SSBP3: variants seen among roughly 807,000 people sequenced by gnomAD.
SSBP3 encodes the protein single stranded DNA binding protein 3, also known as single-stranded DNA-binding protein 3.
In SSBP3, 5 loss-of-function variants were observed where a neutral mutation model predicts 69.6. That is an observed-to-expected ratio of 0.07 (90% CI 0.04 to 0.15). The LOEUF is 0.15. SSBP3 is among the 10% of genes least tolerant of loss of function. The pLI, the probability that SSBP3 is intolerant of heterozygous loss-of-function variation, is 1.00. For missense variants in SSBP3, 312 were observed against 534.0 expected (o/e 0.58, Z 4.10); for synonymous variants, 196 against 193.4 (o/e 1.01, Z -0.11).
chr1:54,358,112 T>C (rs1444001945), intron 4 of SSBP3, among the ~76,000 whole-genome samples: 2 of 152,204 alleles, frequency 1.3e-5, no homozygotes, highest in East Asian at 3.8e-4. Context: ...GAAGGAGCTT[T>C]TTCCATTTTA....
At chr1:54,301,774 A>G (rs1164232277) in intron 4 of SSBP3, among the ~76,000 whole-genome samples, 1 of 152,096 alleles carries the variant, frequency 6.6e-6, no homozygotes, top group Non-Finnish European at 1.5e-5. Context: ...CCACCACCCT[A>G]GGTTCCGGGG....
exon 18 of SSBP3, chr1:54,225,585 C>A: frequency 4.1e-6 from 2 of 482,516 alleles, no homozygotes; most frequent in Non-Finnish European, 6.5e-6. Context: ...TCCCAATAAT[C>A]CGCACAAAGT....
intron 3 of SSBP3, among the ~76,000 whole-genome samples, chr1:54,403,984 G>C (rs1379855980): frequency 7.2e-6 from 1 of 139,260 alleles, no homozygotes; most frequent in Non-Finnish European, 1.6e-5. Flanking sequence ...ACCAGTTAAG[G>C]TTCTGCGTAA....
At chr1:54,240,093 CGCGCGCGT>C (rs1302408262) in intron 13 of SSBP3, among the ~76,000 whole-genome samples, 1,464 of 21,236 alleles carry the variant, frequency 0.069, 39 homozygotes, top group South Asian at 0.14. Context: ...TGTGTGCGCG[CGCGCGCGT>C]GTGCGTGCGC....
intron 7 of SSBP3, among the ~76,000 whole-genome samples, chr1:54,253,767 A>AG (rs1644872126): frequency 6.6e-6 from 1 of 152,176 alleles, no homozygotes; most frequent in Non-Finnish European, 1.5e-5. Context: ...GGGGACCTTC[A>AG]GGGTCATGAG....
chr1:54,303,861 G>T (rs532957584), intron 4 of SSBP3, among the ~76,000 whole-genome samples: 104 of 152,312 alleles, frequency 6.8e-4, no homozygotes, highest in African/African-American at 2.5e-3. Context: ...CATAATTAAA[G>T]TATATTACTG....
At chr1:54,304,439 G>A (rs575864984) in intron 4 of SSBP3, among the ~76,000 whole-genome samples, 4 of 152,186 alleles carry the variant, frequency 2.6e-5, no homozygotes, top group African/African-American at 7.2e-5. Context: ...GGACCAGGGC[G>A]TCTTCTGGGC....
intron 14 of SSBP3, among the ~76,000 whole-genome samples, chr1:54,232,821 G>A (rs560174497): frequency 6.6e-6 from 1 of 152,232 alleles, no homozygotes. Context: ...AACCGCGAGT[G>A]ATCCGCCAGC....
Position 54,372,112 on chromosome 1 carries a change from A to T in SSBP3, c.276+29749T>A, listed in dbSNP as rs190708374. Among the ~76,000 whole-genome samples, 62 of 152,286 alleles carry T rather than the reference A, an allele frequency of 4.1e-4. 1 individual carries two copies. In the East Asian group the frequency reaches 0.012, roughly 29 times the overall value. ...GGCTAGGCATGTGCCTGGTCTCCCG[A>T]GCCTGACTCTAAAGGTTTCCAGACT... On this transcript the variant is annotated intron_variant, in intron 4 of 17. Coordinates refer to ENST00000610401, the Ensembl canonical transcript of SSBP3.
intron 4 of SSBP3, among the ~76,000 whole-genome samples, chr1:54,307,788 T>C (rs561039627): frequency 6.6e-6 from 1 of 151,918 alleles, no homozygotes; most frequent in Admixed American, 6.6e-5. Flanking sequence ...AGTTTACAAA[T>C]GCAATGGCAA....
At chr1:54,354,046 G>C (rs1303829762) in intron 4 of SSBP3, among the ~76,000 whole-genome samples, 1 of 152,146 alleles carries the variant, frequency 6.6e-6, no homozygotes, top group Non-Finnish European at 1.5e-5. Context: ...GGCTCAGCAA[G>C]AGCACTCCTA....
At chr1:54,247,817 T>C (rs562162695) in intron 9 of SSBP3, among the ~76,000 whole-genome samples, 6 of 152,210 alleles carry the variant, frequency 3.9e-5, no homozygotes, top group Non-Finnish European at 8.8e-5. Flanking sequence ...AGCTTCGTCC[T>C]ATTAGAATTC....
chr1:54,289,020 C>CAAAAAAAAAAAAAACAAAAAAAA (rs1645546816), intron 4 of SSBP3, among the ~76,000 whole-genome samples: 1 of 43,920 alleles, frequency 2.3e-5, no homozygotes, highest in African/African-American at 6.6e-5. Flanking sequence ...ACTCTGTCTC[C>CAAAAAAAAAAAAAACAAAAAAAA]AAAAAAAAAA....
intron 14 of SSBP3, chr1:54,237,142 A>T (rs1188505464): frequency 1.3e-5 from 2 of 152,244 alleles, no homozygotes; most frequent in African/African-American, 4.8e-5. Context: ...GAGCTAGCGG[A>T]AACCTGTAGC....
At chr1:54,378,435 A>T (rs1647356164) in intron 4 of SSBP3, among the ~76,000 whole-genome samples, 1 of 152,210 alleles carries the variant, frequency 6.6e-6, no homozygotes, top group Admixed American at 6.5e-5. Context: ...AGCAGGACAA[A>T]GAGGGGCTGT....
chr1:54,302,139 C>T (rs1645813654), intron 4 of SSBP3, among the ~76,000 whole-genome samples: 1 of 152,192 alleles, frequency 6.6e-6, no homozygotes, highest in African/African-American at 2.4e-5. Flanking sequence ...CACCTTCATT[C>T]TGTGTCTGTT....
intron 10 of SSBP3, among the ~76,000 whole-genome samples, chr1:54,242,538 G>C (rs1644658023): frequency 6.6e-6 from 1 of 152,214 alleles, no homozygotes; most frequent in African/African-American, 2.4e-5. Flanking sequence ...CTAGAGAACA[G>C]TGGCTACACT....
chr1:54,347,999 C>T (rs996764770), intron 4 of SSBP3, among the ~76,000 whole-genome samples: 2 of 152,148 alleles, frequency 1.3e-5, no homozygotes, highest in African/African-American at 4.8e-5. Flanking sequence ...TCTCAGCCAC[C>T]CAATCACCCA....
chr1:54,406,368 C>T (rs1242572893), exon 1 of SSBP3: 1 of 154,310 alleles, frequency 6.5e-6, no homozygotes, highest in Non-Finnish European at 1.4e-5. Flanking sequence ...CCGCTGCCGC[C>T]GCCGCCGCCG....
Sources: gnomAD v4.1 joint callset for allele counts (sites outside exome capture counted in the v4.1 genomes callset) on GRCh38, gnomAD v4.1.1 for gene constraint, MANE v1.5 for transcripts, NCBI Gene and HGNC (gene_info 2026-07-23, HGNC 2026-07-21) for gene names.